Variants in SPAG16 observed in about 807,000 individuals in gnomAD.
The protein encoded by SPAG16 is sperm-associated antigen 16 protein.
A neutral mutation model predicts 80.4 loss-of-function variants in SPAG16; 86 were observed. That is an observed-to-expected ratio of 1.07 (90% CI 0.90 to 1.28). The LOEUF (loss-of-function observed/expected upper bound fraction) is 1.28, where lower values mean the gene tolerates loss of function less well. Ranked by LOEUF, SPAG16 falls within the 50% of genes most tolerant of loss-of-function variation. The pLI, the probability that SPAG16 is intolerant of heterozygous loss-of-function variation, is 0.00. For missense variants in SPAG16, 870 were observed against 765.3 expected, an observed-to-expected ratio of 1.14 and a Z score of -1.61; for synonymous variants, 294 against 265.9, an observed-to-expected ratio of 1.11 and a Z score of -1.03.
rs79637084 is a variant in SPAG16 at position 213,663,868 on chromosome 2, G to T, written c.1070+173778G>T. ...TGATATTATCTTAGTGGGAAAAAGT[G>T]GGAAATTAAATTGTATCTGTGGTGT... is the stretch of plus-strand genomic sequence containing the variant. On this transcript the variant is annotated intron_variant, in intron 10 of 15. Coordinates refer to ENST00000331683, the MANE Select transcript of SPAG16 (RefSeq NM_024532.5). 7.7e-3 allele frequency among the ~76,000 whole-genome samples: 1,171 copies of T among 152,100 alleles called. 16 individuals are homozygous for T. Among genetic ancestry groups the T allele is most frequent in the African/African-American group, 0.027 (1,123 of 41,512 alleles).
intron 13 of SPAG16, among the ~76,000 whole-genome samples, chr2:214,069,938 T>C (rs1405925278): frequency 6.6e-6 from 1 of 152,146 alleles, no homozygotes; most frequent in Non-Finnish European, 1.5e-5. Context: ...CTTTGTTCAA[T>C]AAACTGGAGA....
intron 4 of SPAG16, among the ~76,000 whole-genome samples, chr2:213,316,187 C>G (rs2063393033): frequency 6.6e-6 from 1 of 152,006 alleles, no homozygotes; most frequent in South Asian, 2.1e-4. Context: ...CCACTCTGCT[C>G]CTCCTGCATT....
At chr2:213,675,573 G>A (rs1378155984) in intron 10 of SPAG16, among the ~76,000 whole-genome samples, 1 of 152,174 alleles carries the variant, frequency 6.6e-6, no homozygotes, top group Non-Finnish European at 1.5e-5. Flanking sequence ...TAAGGTGTAA[G>A]GAAGGGATCC....
intron 11 of SPAG16, among the ~76,000 whole-genome samples, chr2:213,872,490 A>G (rs1347923059): frequency 2.0e-5 from 3 of 152,118 alleles, no homozygotes; most frequent in African/African-American, 4.8e-5. Flanking sequence ...ATTTTAGTAT[A>G]TTTTTTAGAC....
At chr2:214,089,019 T>G (rs963968887) in intron 13 of SPAG16, among the ~76,000 whole-genome samples, 1 of 152,124 alleles carries the variant, frequency 6.6e-6, no homozygotes, top group African/African-American at 2.4e-5. Flanking sequence ...ATCAAGCATA[T>G]TAAAGAATAA....
At chr2:213,975,053 G>T (rs920332650) in intron 12 of SPAG16, among the ~76,000 whole-genome samples, 4 of 150,232 alleles carry the variant, frequency 2.7e-5, no homozygotes, top group African/African-American at 4.9e-5. Flanking sequence ...CAATAGATTA[G>T]ATAAAATAAA....
rs953446880 is a variant in SPAG16, at chr2:213,297,627, G to T, written c.279+270G>T. 5.3e-5 allele frequency among the ~76,000 whole-genome samples: 8 copies of T among 152,186 alleles called. No homozygotes were observed. In the East Asian group the frequency reaches 9.7e-4, roughly 18 times the overall value. ...TGAACTCTGATTAATCTCACTGGAG[G>T]ATAAACCAATAATTTTCAACATTTA... On this transcript the variant is annotated intron_variant, in intron 3 of 15. Coordinates refer to ENST00000331683, the MANE Select transcript of SPAG16 (RefSeq NM_024532.5).
rs965123081 is a variant in SPAG16, at chr2:214,162,269, C to G, written c.1720+13003C>G. Among the ~76,000 whole-genome samples, 3 of 152,052 alleles carry G rather than the reference C, an allele frequency of 2.0e-5. No homozygotes were observed. In the South Asian group the frequency reaches 6.2e-4, roughly 31 times the overall value. On this transcript the variant is annotated intron_variant, in intron 15 of 15. Transcript: ENST00000331683. ...AGAATGAGCAGGTCAAATGAAAAAC[C>G]AAACTTGTGCAATCACATTTAAATC...
intron 12 of SPAG16, among the ~76,000 whole-genome samples, chr2:213,950,472 A>G (rs2079696168): frequency 6.7e-6 from 1 of 148,674 alleles, no homozygotes. Flanking sequence ...AAATAAGAAC[A>G]CAGGTCACAC....
chr2:214,242,945 T>C (rs1476796426), intron 15 of SPAG16, among the ~76,000 whole-genome samples: 2 of 152,148 alleles, frequency 1.3e-5, no homozygotes, highest in African/African-American at 4.8e-5. Flanking sequence ...GACTCACTGG[T>C]TAGTAAAACT....
chr2:213,730,735 C>A (rs2066993217), intron 10 of SPAG16, among the ~76,000 whole-genome samples: 1 of 152,142 alleles, frequency 6.6e-6, no homozygotes, highest in African/African-American at 2.4e-5. Context: ...GAAGTTCTAG[C>A]CATTATTTCT....
At chr2:213,416,089 A>G (rs1011927708) in intron 9 of SPAG16, among the ~76,000 whole-genome samples, 6 of 152,242 alleles carry the variant, frequency 3.9e-5, no homozygotes, top group East Asian at 1.9e-4. Flanking sequence ...GATGAGCAGG[A>G]TGTCACATAC....
intron 10 of SPAG16, among the ~76,000 whole-genome samples, chr2:213,660,270 T>C (rs1666021425): frequency 6.7e-6 from 1 of 149,860 alleles, no homozygotes; most frequent in Non-Finnish European, 1.5e-5. Context: ...ATTAGTGTTG[T>C]TGTTTTTTTT....
intron 11 of SPAG16, among the ~76,000 whole-genome samples, chr2:213,869,026 C>A (rs568426003): frequency 6.6e-6 from 1 of 151,226 alleles, no homozygotes; most frequent in African/African-American, 2.4e-5. Context: ...CTGAGGCAGG[C>A]GGATCACCTG....
chr2:213,353,679 C>T (rs1430803174), intron 7 of SPAG16, among the ~76,000 whole-genome samples: 2 of 152,046 alleles, frequency 1.3e-5, no homozygotes, highest in East Asian at 3.9e-4. Flanking sequence ...TTACCTCGTC[C>T]CTCAGGCATC....
intron 15 of SPAG16, among the ~76,000 whole-genome samples, chr2:214,271,626 C>T (rs182700080): frequency 2.0e-3 from 301 of 152,130 alleles, no homozygotes; most frequent in African/African-American, 7.1e-3. Flanking sequence ...CATGGAAAAC[C>T]CTGTCTCTAC....
intron 10 of SPAG16, among the ~76,000 whole-genome samples, chr2:213,499,520 C>T (rs114483329): frequency 0.018 from 2,667 of 152,152 alleles, 67 homozygotes; most frequent in African/African-American, 0.05. Flanking sequence ...AGTTCTATAG[C>T]CAGGTTTTTC....
intron 15 of SPAG16, among the ~76,000 whole-genome samples, chr2:214,369,483 C>T (rs577517596): frequency 6.6e-6 from 1 of 152,160 alleles, no homozygotes; most frequent in Admixed American, 6.6e-5. Flanking sequence ...ATTCTCCTTG[C>T]TTCTACCTCC....
At chr2:214,098,949 G>C (rs1559790297) in intron 13 of SPAG16, among the ~76,000 whole-genome samples, 1 of 151,994 alleles carries the variant, frequency 6.6e-6, no homozygotes, top group Non-Finnish European at 1.5e-5. Context: ...GAAAAAAGTT[G>C]ATAATAGCAT....
Sources: gnomAD v4.1 joint callset for allele counts (sites outside exome capture counted in the v4.1 genomes callset) on GRCh38, gnomAD v4.1.1 for gene constraint, MANE v1.5 for transcripts, NCBI Gene and HGNC (gene_info 2026-07-23, HGNC 2026-07-21) for gene names.